The following SEH1L variants were observed in gnomAD, a reference collection of about 807,000 sequenced individuals.
SEH1L encodes the protein nucleoporin SEH1.
In SEH1L, 18 loss-of-function variants were observed where a neutral mutation model predicts 49.5. The observed-to-expected ratio is 0.36, with a 90% CI of 0.25 to 0.54. The LOEUF (loss-of-function observed/expected upper bound fraction) is 0.54, where lower values mean the gene tolerates loss of function less well. Ranked by LOEUF, SEH1L falls within the 20% of genes least tolerant of loss-of-function variation. The probability of loss-of-function intolerance (pLI) is 0.87; values close to 1 mark genes in which losing one functional copy is unlikely to be tolerated. For synonymous variants in SEH1L, 169 were observed against 178.1 expected (o/e 0.95, Z 0.41); for missense variants, 404 against 528.8 (o/e 0.76, Z 2.31).
intron 6 of SEH1L, among the ~76,000 whole-genome samples, chr18:12,981,850 ATTTTTTT>A (rs554886753): frequency 9.1e-5 from 8 of 88,194 alleles, no homozygotes; most frequent in African/African-American, 4.6e-4. Context: ...TGCCCTGCCC[ATTTTTTT>A]TTTTTTTTTT....
chr18:12,986,045 A>G (rs2032444938), intron 8 of SEH1L: 1 of 978,848 alleles, frequency 1.0e-6, no homozygotes, highest in Non-Finnish European at 1.2e-6. Flanking sequence ...CTTCCTTCAA[A>G]TCAAAATTTG....
rs1467685892 is a variant in SEH1L at position 12,981,849 on chromosome 18, C to CTTTTTTTTTTTTT, written c.762-669_762-668insTTTTTTTTTTTTT. ...ATTCTTTCCTACTTGCTGCCCTGCC[C>CTTTTTTTTTTTTT]ATTTTTTTTTTTTTTTTTTTTTTTT... On this transcript the variant is annotated intron_variant, in intron 6 of 8. Transcript: ENST00000399892. Among the ~76,000 whole-genome samples the CTTTTTTTTTTTTT allele has an allele frequency of 2.0e-4, 20 of 102,500 alleles. 2 individuals are homozygous for CTTTTTTTTTTTTT. The highest frequency in any genetic ancestry group is 6.5e-4 in the African/African-American group (14 of 21,658). The allele number at this position is 102,500 out of a possible 152,430, so 67.2% of individuals were successfully genotyped here.
chr18:12,980,798 C>CG (rs1434941451), intron 6 of SEH1L, among the ~76,000 whole-genome samples: 1 of 98,096 alleles, frequency 1.0e-5, no homozygotes, highest in Non-Finnish European at 2.1e-5. Context: ...ACCTCCCGGA[C>CG]GGGGCGGCTG....
chr18:12,948,686 C>A (rs2030282396), intron 1 of SEH1L: 1 of 156,854 alleles, frequency 6.4e-6, no homozygotes, highest in South Asian at 2.0e-4. Flanking sequence ...ATGGTTTTCT[C>A]CGTGGGTTCA....
At position 12,955,592 on chromosome 18, in the gene SEH1L, C is replaced by A. The variant is rs1342389355; in HGVS notation, c.292C>A (p.Arg98=). ...EIVGESNDKL[R]GQSHWVKRTT... Reference sequence around the variant, plus strand: ...AGTAGGAGAATCAAATGATAAACTGCGAGGACAGAGCCACTGGGTGAGACA... The same window carrying A: ...AGTAGGAGAATCAAATGATAAACTGAGAGGACAGAGCCACTGGGTGAGACA... The change falls in exon 3 of 9, where the codon CGA becomes AGA. Residue 98 remains arginine (R), a synonymous_variant. Coordinates refer to ENST00000399892, the MANE Select transcript of SEH1L (RefSeq NM_001013437.2). 5.6e-6 allele frequency: 9 copies of A among 1,613,758 alleles called. No individual in the cohort carries two copies. The highest frequency in any genetic ancestry group is 7.6e-6 in the Non-Finnish European group (9 of 1,179,924).
chr18:12,970,151 C>G (rs2031633394), intron 4 of SEH1L, among the ~76,000 whole-genome samples: 1 of 152,082 alleles, frequency 6.6e-6, no homozygotes, highest in African/African-American at 2.4e-5. Flanking sequence ...GTGCACAATA[C>G]TGAGGCTAAA....
At chr18:12,961,043 TG>T (rs2031150484) in intron 3 of SEH1L, among the ~76,000 whole-genome samples, 1 of 152,230 alleles carries the variant, frequency 6.6e-6, no homozygotes. Flanking sequence ...TGTTACACGT[TG>T]GCATGCTTCC....
At chr18:12,983,974 G>T (rs1943199255) in intron 7 of SEH1L, 66 bp from the exon 8 acceptor site, 3 of 1,293,748 alleles carry the variant, frequency 2.3e-6, no homozygotes, top group Non-Finnish European at 3.3e-6. Context: ...AAGGACATGG[G>T]TACAGATTTG....
intron 2 of SEH1L, among the ~76,000 whole-genome samples, chr18:12,953,060 G>A (rs1269031340): frequency 2.6e-5 from 4 of 152,126 alleles, no homozygotes; most frequent in Non-Finnish European, 4.4e-5. Flanking sequence ...GGGATTACAG[G>A]CTTGAGCCAC....
intron 6 of SEH1L, among the ~76,000 whole-genome samples, chr18:12,980,792 C>A (rs2032201849): frequency 3.3e-5 from 3 of 91,612 alleles, no homozygotes; most frequent in Non-Finnish European, 6.6e-5. Context: ...CCCCTCACCT[C>A]CCGGACGGGG....
At chr18:12,966,567 T>G (rs1263655277) in intron 4 of SEH1L, among the ~76,000 whole-genome samples, 1 of 152,066 alleles carries the variant, frequency 6.6e-6, no homozygotes, top group Non-Finnish European at 1.5e-5. Flanking sequence ...GCCTTGCTAA[T>G]TTTTTGTTAT....
At chr18:12,951,162 C>T (rs1009767801) in intron 1 of SEH1L, among the ~76,000 whole-genome samples, 2 of 152,202 alleles carry the variant, frequency 1.3e-5, no homozygotes, top group Non-Finnish European at 2.9e-5. Context: ...TCAGGACAGA[C>T]GTTTCCCATT....
chr18:12,966,869 T>G (rs2031475698), intron 4 of SEH1L, among the ~76,000 whole-genome samples: 2 of 152,248 alleles, frequency 1.3e-5, no homozygotes, highest in Admixed American at 6.5e-5. Context: ...AAAACAAAAT[T>G]GTTTGGAGAT....
At chr18:12,975,257 G>C (rs1277848283) in intron 5 of SEH1L, among the ~76,000 whole-genome samples, 4 of 152,064 alleles carry the variant, frequency 2.6e-5, no homozygotes, top group African/African-American at 9.6e-5. Context: ...CTCCCAAAGT[G>C]TTGGGATTAC....
intron 2 of SEH1L, 109 bp downstream of exon 2, chr18:12,952,014 C>A: frequency 1.8e-6 from 1 of 555,572 alleles, no homozygotes; most frequent in Non-Finnish European, 3.0e-6. Context: ...TAGTTCTTTT[C>A]CTGGGAAGAC....
At chr18:12,980,580 C>T (rs1337431811) in intron 6 of SEH1L, among the ~76,000 whole-genome samples, 2 of 128,690 alleles carry the variant, frequency 1.6e-5, no homozygotes, top group African/African-American at 5.9e-5. Flanking sequence ...ACCCCCCCAC[C>T]TCCCTCCCGG....
At chr18:12,960,489 G>C (rs1413212636) in intron 3 of SEH1L, among the ~76,000 whole-genome samples, 1 of 152,148 alleles carries the variant, frequency 6.6e-6, no homozygotes, top group Admixed American at 6.5e-5. Flanking sequence ...ATGTCTCCTT[G>C]TCCTAATAGC....
Position 12,982,845 on chromosome 18 carries a change from T to C in SEH1L, c.919+170T>C, listed in dbSNP as rs1019503113. 4 of 549,488 alleles carry C rather than the reference T, an allele frequency of 7.3e-6. No individual in the cohort carries two copies. The African/African-American group carries it at 7.7e-5, about 11-fold the overall frequency. 34.0% of individuals were successfully genotyped at this position (549,488 alleles called of 1,614,324 possible). Reference sequence around the variant, plus strand: ...AGTTTACCTAGTTCATAGAAGTTAATGACTGAATTGTTTTTTAAGTTATGT... The same window carrying C: ...AGTTTACCTAGTTCATAGAAGTTAACGACTGAATTGTTTTTTAAGTTATGT... On this transcript the variant is annotated intron_variant, in intron 7 of 8. Transcript: ENST00000399892.
rs2032428825 is a variant in SEH1L, at chr18:12,985,570, C to T, written c.1071-1292C>T. 3.6e-6 allele frequency: 4 copies of T among 1,099,396 alleles called. No individual in the cohort carries two copies. In the African/African-American group the frequency reaches 6.6e-5, roughly 18 times the overall value. The allele number at this position is 1,099,396 out of a possible 1,614,324, so 68.1% of individuals were successfully genotyped here. ...GTTTAAAGATTAAAAGGGTTGTTACCATTCTTATCTGAGTAGTTGGGAGGA... is the reference window on the plus strand; with the variant it reads ...GTTTAAAGATTAAAAGGGTTGTTACTATTCTTATCTGAGTAGTTGGGAGGA... On this transcript the variant is annotated intron_variant, in intron 8 of 8. Transcript: ENST00000399892.
Sources: allele counts gnomAD v4.1 joint callset (sites outside exome capture counted in the v4.1 genomes callset), GRCh38; gene constraint gnomAD v4.1.1; transcripts MANE v1.5; gene names NCBI Gene and HGNC (gene_info 2026-07-23, HGNC 2026-07-21).